The following CNTNAP2 variants were observed in gnomAD, a reference collection of about 807,000 sequenced individuals.
CNTNAP2 encodes contactin associated protein 2, also known as contactin-associated protein-like 2.
Under a neutral mutation model 155.2 loss-of-function variants are expected in CNTNAP2, and 98 were observed. The observed-to-expected ratio is 0.63, with a 90% CI of 0.54 to 0.75. The LOEUF (loss-of-function observed/expected upper bound fraction) is 0.75, where lower values mean the gene tolerates loss of function less well. CNTNAP2 is among the 30% of genes least tolerant of loss of function. The pLI is 0.00. For synonymous variants in CNTNAP2, 651 were observed against 631.2 expected (o/e 1.03, Z -0.47); for missense variants, 1,727 against 1,688.1 (o/e 1.02, Z -0.40).
chr7:148,281,882 T>TTGGAGTGC (rs1198840520), intron 21 of CNTNAP2, among the ~76,000 whole-genome samples: 1 of 138,094 alleles, frequency 7.2e-6, no homozygotes, highest in African/African-American at 2.6e-5. Context: ...TGTCACCAGG[T>TTGGAGTGC]TGGAGTGCAA....
chr7:146,279,995 A>G (rs1563019562), intron 1 of CNTNAP2, among the ~76,000 whole-genome samples: 1 of 152,142 alleles, frequency 6.6e-6, no homozygotes, highest in Non-Finnish European at 1.5e-5. Context: ...ATTATGTTAT[A>G]AATGTTAAAA....
chr7:146,275,313 TA>T (rs1800146778), intron 1 of CNTNAP2, among the ~76,000 whole-genome samples: 1 of 152,182 alleles, frequency 6.6e-6, no homozygotes, highest in Admixed American at 6.5e-5. Context: ...AATAGTAACT[TA>T]ACAAGACTAT....
At chr7:148,368,518 TCACTACA>T (rs1798825266) in intron 21 of CNTNAP2, among the ~76,000 whole-genome samples, 1 of 152,188 alleles carries the variant, frequency 6.6e-6, no homozygotes, top group South Asian at 2.1e-4. Flanking sequence ...GCAAGTTACT[TCACTACA>T]GTGAGCGACA....
chr7:147,000,352 G>A lies in CNTNAP2; in HGVS notation c.403-43555G>A, dbSNP rs145586979. On this transcript the variant is annotated intron_variant, in intron 3 of 23. Coordinates refer to ENST00000361727, the MANE Select transcript of CNTNAP2 (RefSeq NM_014141.6). ...AACAGTTATTTTTACTTTATCGTGA[G>A]GCATTTTTCATACATCTCCATCTTT... Among the ~76,000 whole-genome samples, 899 of 151,984 alleles carry A rather than the reference G, an allele frequency of 5.9e-3. 7 individuals are homozygous for A. Among genetic ancestry groups the A allele is most frequent in the African/African-American group, 0.021 (861 of 41,458 alleles).
At chr7:147,235,305 A>G (rs1803774372) in intron 8 of CNTNAP2, among the ~76,000 whole-genome samples, 3 of 151,692 alleles carry the variant, frequency 2.0e-5, no homozygotes, top group East Asian at 3.9e-4. Flanking sequence ...TACCTGAGAC[A>G]ATTCCTTACA....
At chr7:146,642,145 T>A (rs974732758) in intron 1 of CNTNAP2, among the ~76,000 whole-genome samples, 1 of 151,790 alleles carries the variant, frequency 6.6e-6, no homozygotes, top group Non-Finnish European at 1.5e-5. Flanking sequence ...TTTTTTTATT[T>A]TTTATTTTTA....
At chr7:148,214,150 G>C (rs1218335985) in intron 18 of CNTNAP2, among the ~76,000 whole-genome samples, 2 of 152,312 alleles carry the variant, frequency 1.3e-5, no homozygotes, top group Admixed American at 1.3e-4. Context: ...GTGTCTACCT[G>C]ATCCTGCACT....
intron 9 of CNTNAP2, among the ~76,000 whole-genome samples, chr7:147,310,019 A>G (rs374074833): frequency 3.9e-5 from 6 of 152,154 alleles, no homozygotes; most frequent in African/African-American, 1.4e-4. Flanking sequence ...AAAAAAAGGA[A>G]TTACACATTG....
At chr7:147,693,582 C>CG (rs1243377398) in intron 13 of CNTNAP2, among the ~76,000 whole-genome samples, 1 of 151,678 alleles carries the variant, frequency 6.6e-6, no homozygotes, top group African/African-American at 2.4e-5. Flanking sequence ...ATATCATTTT[C>CG]GGGGGGCGCT....
intron 1 of CNTNAP2, among the ~76,000 whole-genome samples, chr7:146,237,035 A>T (rs1197700050): frequency 1.3e-5 from 2 of 152,014 alleles, no homozygotes; most frequent in Non-Finnish European, 2.9e-5. Flanking sequence ...ACTAACGTTG[A>T]TATTTAGAGA....
intron 21 of CNTNAP2, among the ~76,000 whole-genome samples, chr7:148,347,500 A>C (rs1255924493): frequency 2.0e-5 from 3 of 152,124 alleles, no homozygotes; most frequent in African/African-American, 7.2e-5. Context: ...CTAAACCAAC[A>C]TCTCTTTGAC....
At chr7:147,725,057 G>T (rs376084432) in intron 13 of CNTNAP2, among the ~76,000 whole-genome samples, 68 of 152,044 alleles carry the variant, frequency 4.5e-4, no homozygotes, top group African/African-American at 1.4e-3. Flanking sequence ...CATGGTGTTG[G>T]ATTGTAGTCC....
intron 22 of CNTNAP2, among the ~76,000 whole-genome samples, chr7:148,390,916 G>A (rs11760461): frequency 6.6e-6 from 1 of 152,210 alleles, no homozygotes; most frequent in Non-Finnish European, 1.5e-5. Flanking sequence ...GTCATTTGTA[G>A]TGCAGTCTCT....
At chr7:148,370,815 C>A (rs544629798) in intron 21 of CNTNAP2, among the ~76,000 whole-genome samples, 2 of 152,252 alleles carry the variant, frequency 1.3e-5, no homozygotes, top group African/African-American at 4.8e-5. Flanking sequence ...CATTAATGCC[C>A]CACAGAACAA....
intron 1 of CNTNAP2, among the ~76,000 whole-genome samples, chr7:146,588,319 T>C (rs563272161): frequency 1.3e-5 from 2 of 152,334 alleles, no homozygotes; most frequent in South Asian, 4.1e-4. Flanking sequence ...ACTTCTTCTT[T>C]AGTTTATAAA....
intron 1 of CNTNAP2, among the ~76,000 whole-genome samples, chr7:146,724,602 C>T (rs1268503395): frequency 4.1e-5 from 5 of 122,316 alleles, no homozygotes; most frequent in Non-Finnish European, 1.6e-5. Context: ...GACAGAGTCT[C>T]GCTCTGTCGC....
At chr7:147,264,966 C>T (rs1018745034) in intron 8 of CNTNAP2, among the ~76,000 whole-genome samples, 8 of 152,012 alleles carry the variant, frequency 5.3e-5, no homozygotes, top group African/African-American at 1.7e-4. Flanking sequence ...ATTAAGCCTT[C>T]TGCGAAGTTC....
chr7:147,316,946 A>C (rs189205450), intron 9 of CNTNAP2, among the ~76,000 whole-genome samples: 33 of 152,346 alleles, frequency 2.2e-4, no homozygotes, highest in Admixed American at 2.6e-4. Flanking sequence ...TTATAATTGC[A>C]TTCTCCTAGA....
At chr7:148,415,367 G>C in intron 23 of CNTNAP2, 50 bp from the exon 24 acceptor site, 1 of 1,596,740 alleles carries the variant, frequency 6.3e-7, no homozygotes, top group South Asian at 1.1e-5. Flanking sequence ...CAGTGTTGGA[G>C]GGACTCCCAA....
Sources: allele counts gnomAD v4.1 joint callset (sites outside exome capture counted in the v4.1 genomes callset), GRCh38; gene constraint gnomAD v4.1.1; transcripts MANE v1.5; gene names NCBI Gene and HGNC (gene_info 2026-07-23, HGNC 2026-07-21).